Variants in TUBB4A observed in about 807,000 individuals in gnomAD.
The protein encoded by TUBB4A is tubulin beta-4A chain.
TUBB4A carries 13 observed loss-of-function variants against 35.1 expected under a neutral mutation model. The ratio of observed to expected loss-of-function variants is 0.37; its 90% CI spans 0.24 to 0.59. TUBB4A has a LOEUF of 0.59. TUBB4A is among the 20% of genes least tolerant of loss of function. The pLI, the probability that TUBB4A is intolerant of heterozygous loss-of-function variation, is 0.71. For synonymous variants in TUBB4A, 279 were observed against 272.4 expected, an observed-to-expected ratio of 1.02 and a Z score of -0.24; for missense variants, 299 against 647.2, an observed-to-expected ratio of 0.46 and a Z score of 5.84.
At chr19:6,498,103 C>T (rs201083747) in intron 3 of TUBB4A, among the ~76,000 whole-genome samples, 4 of 148,250 alleles carry the variant, frequency 2.7e-5, no homozygotes, top group East Asian at 2.0e-4. Context: ...CTCAGCTACT[C>T]GGGAGGCTGA....
chr19:6,498,504 C>T (rs780958689), intron 3 of TUBB4A, among the ~76,000 whole-genome samples: 10 of 152,200 alleles, frequency 6.6e-5, no homozygotes, highest in Non-Finnish European at 1.2e-4. Context: ...CCCAAATCCT[C>T]CCTGCAGGCC....
At position 6,495,722 on chromosome 19, in the gene TUBB4A, G is replaced by T. The variant is rs773226267; in HGVS notation, c.777C>A (p.Pro259=). 1 of 1,614,106 alleles carries T rather than the reference G, an allele frequency of 6.2e-7. No individual in the cohort carries two copies. The highest frequency in any genetic ancestry group is 1.7e-5 in the Admixed American group (1 of 60,022). The change falls in exon 4 of 4, where the codon CCC becomes CCA. Residue 259 remains proline, a synonymous_variant. Transcript: ENST00000264071. The surrounding 1 kb of genome is among the most constrained non-coding windows in gnomAD (Gnocchi z 8.7). ...GCATGAAGAAGTGCAGGCGAGGAAA[G>T]GGAACCATGTTGACGGCCAGCTTGC... ...DLRKLAVNMV[P]FPRLHFFMPG...
intron 3 of TUBB4A, among the ~76,000 whole-genome samples, chr19:6,498,381 C>A (rs900660639): frequency 3.3e-5 from 5 of 152,102 alleles, no homozygotes; most frequent in African/African-American, 1.2e-4. Context: ...CCTTATCACC[C>A]AGTCTGTCCT....
chr19:6,495,695 G>C lies in TUBB4A; in HGVS notation c.804C>G (p.Pro268=), dbSNP rs777025899. 23 of 1,614,060 alleles carry C rather than the reference G, an allele frequency of 1.4e-5. No individual in the cohort carries two copies. Among genetic ancestry groups the C allele is most frequent in the Non-Finnish European group, 1.9e-5 (22 of 1,179,966 alleles). Residue 268 remains proline (P), a synonymous_variant, in exon 4 of 4, where the codon CCC becomes CCG. Coordinates refer to ENST00000264071, the MANE Select transcript of TUBB4A (RefSeq NM_006087.4). This position sits in a 1 kb window ranked among gnomAD's most constrained non-coding sequence, Gnocchi z 8.7. ...VPFPRLHFFM[P]GFAPLTSRGS... ...CCCGGCTGGTCAGGGGTGCGAAGCCGGGCATGAAGAAGTGCAGGCGAGGAA... is the reference window on the plus strand; with the variant it reads ...CCCGGCTGGTCAGGGGTGCGAAGCCCGGCATGAAGAAGTGCAGGCGAGGAA...
At chr19:6,500,165 A>G (rs1914466156) in intron 3 of TUBB4A, among the ~76,000 whole-genome samples, 1 of 152,116 alleles carries the variant, frequency 6.6e-6, no homozygotes, top group Admixed American at 6.6e-5. Flanking sequence ...GTCTCACACC[A>G]TCGCTCAGGC....
upstream of TUBB4A, chr19:6,502,399 C>T: frequency 1.6e-6 from 1 of 618,104 alleles, no homozygotes; most frequent in Non-Finnish European, 2.6e-6. Context: ...GGTCCCGCCC[C>T]GGGATGATGG....
intron 3 of TUBB4A, among the ~76,000 whole-genome samples, chr19:6,496,797 G>A (rs1255370638): frequency 1.3e-5 from 2 of 148,278 alleles, no homozygotes; most frequent in Admixed American, 1.4e-4. Flanking sequence ...TTCCAGCCTG[G>A]GTGACGGAGT....
Position 6,495,547 on chromosome 19 carries a change from G to A in TUBB4A, c.952C>T (p.Arg318Trp). Residue 318 changes from arginine (R) to tryptophan (W), a missense_variant, in exon 4 of 4, where the codon CGG (arginine) becomes TGG (tryptophan). Around this residue, in one of 5 missense-constraint regions of TUBB4A, gnomAD observed 125 missense variants for 279.1 expected, o/e 0.45. Coordinates refer to ENST00000264071, the MANE Select transcript of TUBB4A (RefSeq NM_006087.4). This position sits in a 1 kb window ranked among gnomAD's most constrained non-coding sequence, Gnocchi z 8.7. ...ACCTCCTTCATGGACATGCGGCCCC[G>A]GAACACGGCGGCCACGGTCAGGTAG... ...GRYLTVAAVF[R>W]GRMSMKEVDE... is the part of the protein sequence containing the mutation. 2 of 1,614,114 alleles carry A rather than the reference G, an allele frequency of 1.2e-6. No homozygotes were observed. Among genetic ancestry groups the A allele is most frequent in the Non-Finnish European group, 1.7e-6 (2 of 1,180,006 alleles).
Position 6,495,793 on chromosome 19 carries a change from C to A in TUBB4A, c.706G>T (p.Val236Phe), listed in dbSNP as rs1252237290. Residue 236 changes from valine to phenylalanine, a missense_variant, in exon 4 of 4, where the codon GTC becomes TTC. Around this residue, in one of 5 missense-constraint regions of TUBB4A, gnomAD observed 51 missense variants for 100.3 expected, o/e 0.51. Transcript: ENST00000264071. The surrounding 1 kb of genome is among the most constrained non-coding windows in gnomAD (Gnocchi z 8.7). Reference sequence around the variant, plus strand: ...CCCGGGAAGCGCAGGCAGGTGGTGACCCCGCTCATGGTGGCCGACACCAGG... The same window carrying A: ...CCCGGGAAGCGCAGGCAGGTGGTGAACCCGCTCATGGTGGCCGACACCAGG... ...NHLVSATMSG[V>F]TTCLRFPGQL... 2 of 1,614,106 alleles carry A rather than the reference C, an allele frequency of 1.2e-6. No homozygotes were observed. The highest frequency in any genetic ancestry group is 1.7e-6 in the Non-Finnish European group (2 of 1,180,050).
At chr19:6,502,469 G>T, upstream of TUBB4A, 10 of 467,308 alleles carry the variant, frequency 2.1e-5, no homozygotes, top group Non-Finnish European at 3.7e-6. Flanking sequence ...GCCTCCCAGA[G>T]AAGTCCGGGA....
intron 3 of TUBB4A, among the ~76,000 whole-genome samples, chr19:6,497,729 C>T (rs139985263): frequency 0.016 from 2,369 of 150,878 alleles, 58 homozygotes; most frequent in African/African-American, 0.055. Context: ...GTTAGGAGAT[C>T]GAGACCATCC....
upstream of TUBB4A, chr19:6,502,319 G>A (rs1914580656): frequency 1.6e-6 from 2 of 1,261,836 alleles, no homozygotes; most frequent in South Asian, 1.7e-5. Context: ...CGGTCCCTGC[G>A]CCCCCGGGAG....
chr19:6,498,706 CTCAGAGAAGCCACCTCT>C (rs1337016556), intron 3 of TUBB4A, among the ~76,000 whole-genome samples: 1 of 152,190 alleles, frequency 6.6e-6, no homozygotes, highest in Non-Finnish European at 1.5e-5. Flanking sequence ...ATGCCACATC[CTCAGAGAAGCCACCTCT>C]GGTCACCCCC....
rs555746271 is a variant in TUBB4A, at chr19:6,498,895, G to C, written c.277+2392C>G. ...GCCGTGGCCCATCATAGGTCCTTGG[G>C]AAATGGCTGGGTGAAATCAAGATGA... On this transcript the variant is annotated intron_variant, in intron 3 of 3. Transcript: ENST00000264071. Among the ~76,000 whole-genome samples, 6 of 152,330 alleles carry C rather than the reference G, an allele frequency of 3.9e-5. No homozygotes were observed. In the East Asian group the frequency reaches 1.2e-3, roughly 29 times the overall value.
At chr19:6,499,253 TG>T (rs1914415719) in intron 3 of TUBB4A, among the ~76,000 whole-genome samples, 1 of 148,630 alleles carries the variant, frequency 6.7e-6, no homozygotes, top group Non-Finnish European at 1.5e-5. Flanking sequence ...ATCTGGGAGG[TG>T]GAGGTTGCGT....
chr19:6,499,318 G>A (rs1188374594), intron 3 of TUBB4A, among the ~76,000 whole-genome samples: 5 of 150,724 alleles, frequency 3.3e-5, no homozygotes, highest in East Asian at 1.9e-4. Flanking sequence ...AAAAAAAAGC[G>A]TGGACCTAGT....
At position 6,502,150 on chromosome 19, in the gene TUBB4A, G is replaced by T; in HGVS notation, c.57+6C>A. ...ACTGCCTCCCCGGGCCCCGTTCCCC[G>T]AGCACCTTGGCCCCGATCTGGTTGC... On this transcript the variant is annotated splice_donor_region_variant and intron_variant, in intron 1 of 3. Coordinates refer to ENST00000264071, the MANE Select transcript of TUBB4A (RefSeq NM_006087.4). 6.4e-7 allele frequency: 1 copy of T among 1,568,676 alleles called. No individual in the cohort carries two copies. The highest frequency in any genetic ancestry group is 2.4e-5 in the East Asian group (1 of 41,304).
chr19:6,495,538 T>A lies in TUBB4A; in HGVS notation c.961A>T (p.Met321Leu). ...LTVAAVFRGR[M>L]SMKEVDEQML... is the part of the protein sequence containing the mutation. ...TGCTCGTCCACCTCCTTCATGGACATGCGGCCCCGGAACACGGCGGCCACG... is the reference window on the plus strand; with the variant it reads ...TGCTCGTCCACCTCCTTCATGGACAAGCGGCCCCGGAACACGGCGGCCACG... The change falls in exon 4 of 4, where the codon ATG (methionine) becomes TTG (leucine). Residue 321 changes from methionine (M) to leucine (L), a missense_variant. Transcript: ENST00000264071. This position sits in a 1 kb window ranked among gnomAD's most constrained non-coding sequence, Gnocchi z 8.7. 6.2e-7 allele frequency: 1 copy of A among 1,614,180 alleles called. No homozygotes were observed. The highest frequency in any genetic ancestry group is 1.1e-5 in the South Asian group (1 of 91,090).
In TUBB4A at chr19:6,501,067, T is replaced by A; in HGVS notation, c.277+220A>T. 1 of 530,346 alleles carries A rather than the reference T, an allele frequency of 1.9e-6. No individual in the cohort carries two copies. The highest frequency in any genetic ancestry group is 3.4e-5 in the Admixed American group (1 of 29,014). The allele number at this position is 530,346 out of a possible 1,614,324, so 32.9% of individuals were successfully genotyped here. A position where few individuals can be genotyped will look rare whatever the true frequency, so the allele number is the denominator to read the frequency against. On this transcript the variant is annotated intron_variant, in intron 3 of 3. Coordinates refer to ENST00000264071, the MANE Select transcript of TUBB4A (RefSeq NM_006087.4). This position sits in a 1 kb window ranked among gnomAD's most constrained non-coding sequence, Gnocchi z 4.2. ...ACCGTTGAATTAAAATGCCACCTCC[T>A]CCAGGAAGACTTCCCTGAATCCTTC...
Sources: allele counts gnomAD v4.1 joint callset (sites outside exome capture counted in the v4.1 genomes callset), GRCh38; gene constraint gnomAD v4.1.1; regional missense constraint gnomAD v4.1.1; non-coding constraint Gnocchi (gnomAD v3.1); transcripts MANE v1.5; gene names NCBI Gene and HGNC (gene_info 2026-07-23, HGNC 2026-07-21).